The following ATP10B variants were observed in gnomAD, a reference collection of about 807,000 sequenced individuals.
The protein encoded by ATP10B is ATPase phospholipid transporting 10B (putative), also known as phospholipid-transporting ATPase VB.
In ATP10B, 122 loss-of-function variants were observed where a neutral mutation model predicts 141.2. That is an observed-to-expected ratio of 0.86 (90% CI 0.75 to 1.00). ATP10B has a LOEUF of 1.00. Among genes scored for constraint, ATP10B ranks in the 50% least tolerant of loss-of-function variants. The pLI, the probability that ATP10B is intolerant of heterozygous loss-of-function variation, is 0.00. For synonymous variants in ATP10B, 685 were observed against 692.0 expected (o/e 0.99, Z 0.16); for missense variants, 1,876 against 1,825.3 (o/e 1.03, Z -0.51).
chr5:160,645,531 G>A (rs1268667338), intron 8 of ATP10B, among the ~76,000 whole-genome samples: 1 of 152,212 alleles, frequency 6.6e-6, no homozygotes. Flanking sequence ...ATTATTGGGA[G>A]GCAGATCCTA....
rs1642999618 is a variant in ATP10B, at chr5:160,563,724, G to C, written c.*1729C>G. On this transcript the variant is annotated 3_prime_UTR_variant, in exon 26 of 26. Coordinates refer to ENST00000327245, the MANE Select transcript of ATP10B (RefSeq NM_025153.3). ...TCAGATCTCCTGAGGCCACTGTTCT[G>C]TTCTTTCTGGCTTTTAGTAGTAGCC... 1 of 152,130 alleles carries C rather than the reference G, an allele frequency of 6.6e-6. No individual in the cohort carries two copies. The allele number at this position is 152,130 out of a possible 1,614,324, so 9.4% of individuals were successfully genotyped here. A position where few individuals can be genotyped will look rare whatever the true frequency, so the allele number is the denominator to read the frequency against.
chr5:160,736,708 C>T (rs953379064), intron 2 of ATP10B, among the ~76,000 whole-genome samples: 18 of 152,030 alleles, frequency 1.2e-4, no homozygotes, highest in African/African-American at 4.1e-4. Context: ...TGCAGTGAGC[C>T]GAGATCGCGC....
intron 1 of ATP10B, among the ~76,000 whole-genome samples, chr5:160,805,673 T>C (rs1772720407): frequency 6.6e-6 from 1 of 152,096 alleles, no homozygotes; most frequent in South Asian, 2.1e-4. Context: ...TTAAGAGCAT[T>C]TACACGGTGT....
At chr5:160,602,830 C>T in intron 20 of ATP10B, 128 bp from the exon 21 acceptor site, 1 of 1,315,842 alleles carries the variant, frequency 7.6e-7, no homozygotes, top group South Asian at 1.4e-5. Flanking sequence ...TTGTTGTGGT[C>T]ACTCTTGGGT....
At chr5:160,843,170 T>G (rs1009177969) in intron 1 of ATP10B, among the ~76,000 whole-genome samples, 6 of 152,068 alleles carry the variant, frequency 3.9e-5, no homozygotes, top group African/African-American at 1.4e-4. Context: ...GAAAAGCAAC[T>G]AATATATTTC....
At chr5:160,822,927 T>C (rs1346457701) in intron 1 of ATP10B, among the ~76,000 whole-genome samples, 1 of 137,676 alleles carries the variant, frequency 7.3e-6, no homozygotes, top group African/African-American at 2.7e-5. Flanking sequence ...AAAATAGAAA[T>C]AATGAATAAG....
At chr5:160,568,370 G>A (rs1304582892) in intron 25 of ATP10B, among the ~76,000 whole-genome samples, 1 of 152,180 alleles carries the variant, frequency 6.6e-6, no homozygotes, top group Non-Finnish European at 1.5e-5. Context: ...AGAGAAACTA[G>A]GTTAAGCAAA....
the ATP10B span, among the ~76,000 whole-genome samples, chr5:160,890,352 T>C: frequency 6.6e-6 from 1 of 152,216 alleles, no homozygotes; most frequent in African/African-American, 2.4e-5. Flanking sequence ...TGGCATTTAG[T>C]ACATTTTCAA....
chr5:160,641,732 C>T (rs759587294), intron 9 of ATP10B, among the ~76,000 whole-genome samples: 3 of 152,206 alleles, frequency 2.0e-5, no homozygotes, highest in African/African-American at 4.8e-5. Flanking sequence ...TACTCCTCAG[C>T]AGTCAAATGA....
intron 1 of ATP10B, among the ~76,000 whole-genome samples, chr5:160,822,867 G>A (rs973354354): frequency 2.6e-5 from 4 of 150,966 alleles, no homozygotes; most frequent in Non-Finnish European, 5.9e-5. Context: ...AGACTGGGAA[G>A]GGTAGTACAG....
chr5:160,882,555 A>G, the ATP10B span, among the ~76,000 whole-genome samples: 9 of 151,962 alleles, frequency 5.9e-5, no homozygotes, highest in Admixed American at 5.2e-4. Flanking sequence ...TTGCTGAGAT[A>G]ATAAGTGTGG....
chr5:160,816,198 G>C (rs4443460), intron 1 of ATP10B, among the ~76,000 whole-genome samples: 4,205 of 89,002 alleles, frequency 0.047, 221 homozygotes, highest in Middle Eastern at 0.11. Context: ...CATAAAAAAT[G>C]AATGAATCCA....
chr5:160,565,527 T>C lies in ATP10B; in HGVS notation c.4312A>G (p.Arg1438Gly). 1 of 1,614,118 alleles carries C rather than the reference T, an allele frequency of 6.2e-7. No homozygotes were observed. ...CACCGGCACATATCAGTCTGTCCTC[T>C]TGAGTAGGCCATTATCCTGTTAGGT... ...LGPNRIMAYS[R>G]GQTDMCRCSK... Residue 1438 changes from arginine (R) to glycine (G), a missense_variant, in exon 26 of 26, where the codon AGA becomes GGA. Physicochemically the swap from Arg to Gly is moderately radical, Grantham distance 125. Coordinates refer to ENST00000327245, the MANE Select transcript of ATP10B (RefSeq NM_025153.3).
At chr5:160,754,645 C>A (rs1005458103) in intron 2 of ATP10B, among the ~76,000 whole-genome samples, 1 of 152,176 alleles carries the variant, frequency 6.6e-6, no homozygotes, top group East Asian at 1.9e-4. Flanking sequence ...CACCAATGTG[C>A]AATATCTAAG....
rs1358189787 is a variant in ATP10B, at chr5:160,649,329, A to C, written c.676-73T>G. 3.7e-6 allele frequency: 4 copies of C among 1,070,434 alleles called. No homozygotes were observed. The African/African-American group carries it at 6.2e-5, about 17-fold the overall frequency. The allele number at this position is 1,070,434 out of a possible 1,614,324, so 66.3% of individuals were successfully genotyped here. ...TTTTAATAGGATCACTGGGAGAGCT[A>C]ATCACTGTTAGAACCATTGCAAATA... On this transcript the variant is annotated intron_variant, in intron 7 of 25. Transcript: ENST00000327245.
rs745852085 is a variant in ATP10B at position 160,644,166 on chromosome 5, C to G, written c.840G>C (p.Glu280Asp). 1 of 1,614,030 alleles carries G rather than the reference C, an allele frequency of 6.2e-7. No homozygotes were observed. Among genetic ancestry groups the G allele is most frequent in the Non-Finnish European group, 8.5e-7 (1 of 1,179,940 alleles). ...CATAGATGACAATGCCAACAGCCAT[C>G]TCGGTGTTTCTGATGGTGCAGCCTC... is the stretch of plus-strand genomic sequence containing the variant. ...LLRGCTIRNT[E>D]MAVGIVIYAG... The change falls in exon 9 of 26, where the codon GAG becomes GAC. Residue 280 changes from glutamate (E) to aspartate (D), a missense_variant. Coordinates refer to ENST00000327245, the MANE Select transcript of ATP10B (RefSeq NM_025153.3).
chr5:160,813,272 G>T (rs1773306913), intron 1 of ATP10B, among the ~76,000 whole-genome samples: 1 of 152,242 alleles, frequency 6.6e-6, no homozygotes, highest in Non-Finnish European at 1.5e-5. Flanking sequence ...GGAAAATCGG[G>T]TCACTCCCAA....
At chr5:160,840,494 G>A (rs575286323) in intron 1 of ATP10B, among the ~76,000 whole-genome samples, 33 of 152,156 alleles carry the variant, frequency 2.2e-4, no homozygotes, top group African/African-American at 7.9e-4. Context: ...TGGGCAACTG[G>A]ATAACCATTT....
At chr5:160,648,264 G>C (rs946411609) in intron 8 of ATP10B, among the ~76,000 whole-genome samples, 12 of 152,198 alleles carry the variant, frequency 7.9e-5, no homozygotes, top group African/African-American at 2.4e-4. Flanking sequence ...GTGGCCCAGG[G>C]TGGCTTTGAA....
Sources: allele counts gnomAD v4.1 joint callset (sites outside exome capture counted in the v4.1 genomes callset), GRCh38; gene constraint gnomAD v4.1.1; transcripts MANE v1.5; gene names NCBI Gene and HGNC (gene_info 2026-07-23, HGNC 2026-07-21).